Variants in PCSK5 observed in about 807,000 individuals in gnomAD.
PCSK5 encodes the protein proprotein convertase subtilisin/kexin type 5.
In PCSK5, 129 loss-of-function variants were observed where a neutral mutation model predicts 233.2. The observed-to-expected ratio is 0.55, with a 90% CI of 0.48 to 0.64. PCSK5 has a LOEUF of 0.64. Ranked by LOEUF, PCSK5 falls within the 30% of genes least tolerant of loss-of-function variation. The pLI is 0.00. For missense variants in PCSK5, 2,076 were observed against 2,430.1 expected, an observed-to-expected ratio of 0.85 and a Z score of 3.06; for synonymous variants, 825 against 879.2, an observed-to-expected ratio of 0.94 and a Z score of 1.09.
At chr9:76,271,734 G>A (rs1032573019) in intron 24 of PCSK5, among the ~76,000 whole-genome samples, 6 of 152,180 alleles carry the variant, frequency 3.9e-5, no homozygotes, top group African/African-American at 1.2e-4. Context: ...CACAGTTCTG[G>A]AGGCTGGAAG....
rs373584583 is a variant in PCSK5 at position 76,328,086 on chromosome 9, C to T, written c.4417C>T (p.Arg1473Cys). 19 of 1,612,866 alleles carry T rather than the reference C, an allele frequency of 1.2e-5. No individual in the cohort carries two copies. In the South Asian group the frequency reaches 1.3e-4, roughly 11 times the overall value. The change falls in exon 33 of 38, where the codon CGT becomes TGT. Residue 1473 changes from arginine to cysteine, a missense_variant. By Grantham distance (180) the Arg-to-Cys change is radical. Coordinates refer to ENST00000674117, the MANE Select transcript of PCSK5 (RefSeq NM_001372043.1). Reference protein sequence around the residue: ...TCQKGLIMNPRGSCMANEKCS... With the variant: ...TCQKGLIMNPCGSCMANEKCS... ...TCAGAAAGGCCTGATCATGAACCCT[C>T]GTGGGAGCTGCATGGCCAACGAGAA...
rs1025997253 is a variant in PCSK5, at chr9:75,940,334, T to A, written c.297+7851T>A. On this transcript the variant is annotated intron_variant, in intron 2 of 37. Coordinates refer to ENST00000674117, the MANE Select transcript of PCSK5 (RefSeq NM_001372043.1). ...TTGTTTATTCTCTTGGAAAAGCAATTGTCTCCTTATAAGTGTGGCCCAGCA... is the reference window on the plus strand; with the variant it reads ...TTGTTTATTCTCTTGGAAAAGCAATAGTCTCCTTATAAGTGTGGCCCAGCA... Among the ~76,000 whole-genome samples, 10 of 152,354 alleles carry A rather than the reference T, an allele frequency of 6.6e-5. No homozygotes were observed. In the East Asian group the frequency reaches 1.9e-3, roughly 29 times the overall value.
chr9:76,190,424 T>A (rs1295359034), intron 20 of PCSK5, among the ~76,000 whole-genome samples: 1 of 152,102 alleles, frequency 6.6e-6, no homozygotes, highest in African/African-American at 2.4e-5. Flanking sequence ...TCTAGCTAAT[T>A]ATTGTTGTAT....
intron 3 of PCSK5, among the ~76,000 whole-genome samples, chr9:76,003,930 G>A (rs1341402723): frequency 6.6e-5 from 10 of 152,058 alleles, no homozygotes; most frequent in Non-Finnish European, 1.3e-4. Context: ...GGAATAGCTA[G>A]AACTGCAGGT....
chr9:76,073,258 T>C (rs1018428394), intron 7 of PCSK5, among the ~76,000 whole-genome samples: 1 of 152,266 alleles, frequency 6.6e-6, no homozygotes, highest in African/African-American at 2.4e-5. Context: ...AGGGTTTTAA[T>C]AGAAGACTGT....
intron 10 of PCSK5, among the ~76,000 whole-genome samples, chr9:76,140,890 G>A (rs1202232867): frequency 1.3e-5 from 2 of 151,954 alleles, no homozygotes; most frequent in African/African-American, 4.8e-5. Context: ...ATGATTTTTA[G>A]CAATGTGTAA....
rs1486044796 is a variant in PCSK5 at position 76,360,391 on chromosome 9, A to G, written c.*1469A>G. 1 of 152,232 alleles carries G rather than the reference A, an allele frequency of 6.6e-6. No homozygotes were observed. Among genetic ancestry groups the G allele is most frequent in the East Asian group, 1.9e-4 (1 of 5,206 alleles). 9.4% of individuals were successfully genotyped at this position (152,232 alleles called of 1,614,324 possible). On this transcript the variant is annotated 3_prime_UTR_variant, in exon 38 of 38. Transcript: ENST00000674117. Reference sequence around the variant, plus strand: ...GTCCAAGGTCATGCAAAGCTCAACAAAATTCAAGAAAAAAGAATGATCACC... The same window carrying G: ...GTCCAAGGTCATGCAAAGCTCAACAGAATTCAAGAAAAAAGAATGATCACC...
chr9:75,908,915 CTATCTATCTCTCTATCTCTCTCTCTG>C (rs1364603840), intron 1 of PCSK5, among the ~76,000 whole-genome samples: 179 of 128,494 alleles, frequency 1.4e-3, no homozygotes, highest in South Asian at 8.3e-3. Context: ...ATCTATCTAT[CTATCTATCTCTCTATCTCTCTCTCTG>C]TCTATCTATC....
chr9:76,250,040 C>T lies in PCSK5; in HGVS notation c.3142+9356C>T, dbSNP rs201675509. On this transcript the variant is annotated intron_variant, in intron 24 of 37. Transcript: ENST00000674117. ...AGAAAGTGAAGGCCAGGCACGGTGG[C>T]TCACACCTGTAATCCCAGCACTTTA... is the stretch of plus-strand genomic sequence containing the variant. Among the ~76,000 whole-genome samples the T allele has an allele frequency of 2.3e-4, 35 of 152,306 alleles. 1 individual carries two copies. In the East Asian group the frequency reaches 6.4e-3, roughly 28 times the overall value.
At chr9:75,938,842 G>A (rs1429960176) in intron 2 of PCSK5, among the ~76,000 whole-genome samples, 1 of 152,160 alleles carries the variant, frequency 6.6e-6, no homozygotes, top group Non-Finnish European at 1.5e-5. Context: ...TAGGGTGGGT[G>A]ATTTGTGTGC....
chr9:76,276,605 A>G (rs1827694893), intron 24 of PCSK5, among the ~76,000 whole-genome samples: 1 of 152,156 alleles, frequency 6.6e-6, no homozygotes, highest in Non-Finnish European at 1.5e-5. Context: ...ACCTGCCCTC[A>G]GAACCTCCCA....
intron 8 of PCSK5, among the ~76,000 whole-genome samples, chr9:76,099,358 A>T (rs1052339397): frequency 3.3e-5 from 5 of 152,134 alleles, no homozygotes; most frequent in Non-Finnish European, 7.4e-5. Context: ...TTCCATGAAG[A>T]TAATAAAAGA....
intron 7 of PCSK5, among the ~76,000 whole-genome samples, chr9:76,094,461 A>G (rs1357022466): frequency 2.0e-5 from 3 of 152,116 alleles, no homozygotes; most frequent in Non-Finnish European, 4.4e-5. Context: ...TTTCTTAGGG[A>G]TTCAGCTGCA....
intron 9 of PCSK5, 128 bp downstream of exon 9, chr9:76,107,479 A>G (rs1832026266): frequency 3.8e-6 from 2 of 523,990 alleles, no homozygotes; most frequent in Admixed American, 3.6e-5. Context: ...CCACCTTTAA[A>G]ACTTCAAAGG....
intron 20 of PCSK5, chr9:76,205,232 A>G (rs1056078906): frequency 5.8e-6 from 3 of 518,176 alleles, no homozygotes; most frequent in African/African-American, 3.9e-5. Context: ...TCAACCCTCC[A>G]CCTCCCGCTT....
chr9:76,209,303 C>A (rs112823038), intron 20 of PCSK5, among the ~76,000 whole-genome samples: 3 of 152,212 alleles, frequency 2.0e-5, no homozygotes. Context: ...GCGTTCCTAT[C>A]GCTACCCCTT....
chr9:76,185,758 T>G (rs1824073691), intron 17 of PCSK5, among the ~76,000 whole-genome samples: 1 of 152,160 alleles, frequency 6.6e-6, no homozygotes, highest in Admixed American at 6.5e-5. Flanking sequence ...CCTCTGCTAT[T>G]TATTAACTGT....
chr9:76,257,648 G>A (rs772599985), intron 24 of PCSK5, among the ~76,000 whole-genome samples: 10 of 152,180 alleles, frequency 6.6e-5, no homozygotes, highest in East Asian at 1.9e-4. Flanking sequence ...GAAGCAGAAC[G>A]GGGACTAAAC....
rs749590173 is a variant in PCSK5 at position 76,321,567 on chromosome 9, G to A, written c.4030G>A (p.Val1344Met). Residue 1344 changes from valine (V) to methionine (M), a missense_variant, in exon 31 of 38, where the codon GTG becomes ATG. Val to Met is a conservative substitution (Grantham distance 21). Transcript: ENST00000674117. ...CCAGGAAAACTGCCCCGAGAGGCAC[G>A]TGGCTGTGAAGGGGGTATGCAAGCA... ...VCQENCPERH[V>M]AVKGVCKHCP... The A allele has an allele frequency of 9.9e-6, 16 of 1,612,608 alleles. No individual in the cohort carries two copies. The highest frequency in any genetic ancestry group is 3.3e-5 in the Admixed American group (2 of 60,006).
Sources: allele counts gnomAD v4.1 joint callset (sites outside exome capture counted in the v4.1 genomes callset), GRCh38; gene constraint gnomAD v4.1.1; transcripts MANE v1.5; gene names NCBI Gene and HGNC (gene_info 2026-07-23, HGNC 2026-07-21).